BMAL2: variants seen among roughly 807,000 people sequenced by gnomAD.
BMAL2 encodes basic helix-loop-helix ARNT-like protein 2.
chr12:27,418,358 T>C, the BMAL2 span, among the ~76,000 whole-genome samples: 1 of 152,158 alleles, frequency 6.6e-6, no homozygotes, highest in Admixed American at 6.5e-5. Flanking sequence ...CCCAGCACTT[T>C]GGGAGGCCAA....
chr12:27,409,640 C>A, the BMAL2 span, among the ~76,000 whole-genome samples: 2 of 152,166 alleles, frequency 1.3e-5, no homozygotes, highest in African/African-American at 4.8e-5. Flanking sequence ...ACCATGAAAA[C>A]CCTAGAAGAA....
chr12:27,395,739 A>C, the BMAL2 span, among the ~76,000 whole-genome samples: 5 of 152,246 alleles, frequency 3.3e-5, no homozygotes, highest in Admixed American at 6.5e-5. Flanking sequence ...TATTTCAAGA[A>C]TATCTGGCAA....
chr12:27,335,294 G>A, the BMAL2 span, among the ~76,000 whole-genome samples: 1 of 152,130 alleles, frequency 6.6e-6, no homozygotes, highest in Non-Finnish European at 1.5e-5. Context: ...GGTAAACACC[G>A]AAATTGAGCA....
the BMAL2 span, among the ~76,000 whole-genome samples, chr12:27,409,543 T>C: frequency 2.0e-5 from 3 of 152,236 alleles, no homozygotes; most frequent in African/African-American, 7.2e-5. Context: ...GCTAGCCATA[T>C]GTAGAAAGCT....
chr12:27,360,417 A>G, the BMAL2 span, among the ~76,000 whole-genome samples: 1 of 152,152 alleles, frequency 6.6e-6, no homozygotes, highest in Non-Finnish European at 1.5e-5. Flanking sequence ...ATCACTGTTA[A>G]TTTCCTGATC....
chr12:27,359,887 G>A, the BMAL2 span, among the ~76,000 whole-genome samples: 1 of 150,794 alleles, frequency 6.6e-6, no homozygotes, highest in Non-Finnish European at 1.5e-5. Context: ...TCTTAATGAA[G>A]CAATAAATTC....
chr12:27,381,433 T>C, the BMAL2 span, among the ~76,000 whole-genome samples: 24 of 152,218 alleles, frequency 1.6e-4, no homozygotes, highest in South Asian at 1.2e-3. Context: ...CTTTCACTCA[T>C]GGCAGAAGGC....
the BMAL2 span, chr12:27,400,551 A>C: frequency 6.2e-7 from 1 of 1,606,752 alleles, no homozygotes; most frequent in South Asian, 1.1e-5. Context: ...AAAATTCTAT[A>C]CTATCCATTG....
At chr12:27,394,283 C>T in the BMAL2 span, 1 of 152,300 alleles carries the variant, frequency 6.6e-6, no homozygotes, top group Admixed American at 6.5e-5. Flanking sequence ...CAGGCATCCC[C>T]TCTTTCCAGG....
chr12:27,392,184 C>T, the BMAL2 span, among the ~76,000 whole-genome samples: 5 of 152,204 alleles, frequency 3.3e-5, no homozygotes, highest in Admixed American at 6.5e-5. Flanking sequence ...CTAAATCCTT[C>T]TGGCCCTTAC....
chr12:27,362,073 G>A, the BMAL2 span, among the ~76,000 whole-genome samples: 1 of 152,174 alleles, frequency 6.6e-6, no homozygotes, highest in Non-Finnish European at 1.5e-5. Flanking sequence ...CTTATGTGAG[G>A]GAAAGAATGT....
chr12:27,420,436 T>G, the BMAL2 span: 1 of 1,613,942 alleles, frequency 6.2e-7, no homozygotes, highest in Non-Finnish European at 8.5e-7. Flanking sequence ...TATGTGACAA[T>G]GATGACACAG....
chr12:27,355,366 C>G, the BMAL2 span, among the ~76,000 whole-genome samples: 1 of 152,284 alleles, frequency 6.6e-6, no homozygotes, highest in African/African-American at 2.4e-5. Context: ...CTCTGAATCC[C>G]CAAGTCTGAA....
At chr12:27,392,500 A>T in the BMAL2 span, among the ~76,000 whole-genome samples, 1 of 152,170 alleles carries the variant, frequency 6.6e-6, no homozygotes, top group Non-Finnish European at 1.5e-5. Context: ...ATGTGAAAAT[A>T]GTCTCCAAGG....
At chr12:27,390,151 C>T in the BMAL2 span, 3 of 1,614,032 alleles carry the variant, frequency 1.9e-6, no homozygotes. Flanking sequence ...TGTATTCTGG[C>T]TCAAGACGAT....
At chr12:27,360,066 A>AG in the BMAL2 span, among the ~76,000 whole-genome samples, 1 of 146,216 alleles carries the variant, frequency 6.8e-6, no homozygotes, top group East Asian at 2.0e-4. Context: ...AAAAAAAAAA[A>AG]AAAAAAGTAC....
the BMAL2 span, among the ~76,000 whole-genome samples, chr12:27,388,900 A>G: frequency 6.6e-6 from 1 of 152,244 alleles, no homozygotes; most frequent in Non-Finnish European, 1.5e-5. Flanking sequence ...TTTACAAGTA[A>G]CATGTTAACA....
chr12:27,417,086 G>A, the BMAL2 span, among the ~76,000 whole-genome samples: 1 of 152,208 alleles, frequency 6.6e-6, no homozygotes, highest in African/African-American at 2.4e-5. Flanking sequence ...GCGTGAGGCA[G>A]GATGCGAGAA....
chr12:27,334,169 T>C, the BMAL2 span, among the ~76,000 whole-genome samples: 3 of 152,218 alleles, frequency 2.0e-5, no homozygotes, highest in Non-Finnish European at 4.4e-5. Flanking sequence ...ATATTCGTAG[T>C]CTTAGGTAAA....
Sources: gnomAD v4.1 joint callset for allele counts (sites outside exome capture counted in the v4.1 genomes callset) on GRCh38, gnomAD v4.1.1 for gene constraint, MANE v1.5 for transcripts, NCBI Gene and HGNC (gene_info 2026-07-23, HGNC 2026-07-21) for gene names.